The following PHAF1 variants were observed in gnomAD, a reference collection of about 807,000 sequenced individuals.
The protein encoded by PHAF1 is phagophore assembly factor 1, also known as phagosome assembly factor 1.
PHAF1 carries 23 observed loss-of-function variants against 63.1 expected under a neutral mutation model. That is an observed-to-expected ratio of 0.36 (90% CI 0.26 to 0.52). The LOEUF (loss-of-function observed/expected upper bound fraction) is 0.52, where lower values mean the gene tolerates loss of function less well. Among genes scored for constraint, PHAF1 ranks in the 20% least tolerant of loss-of-function variants. The pLI is 0.93. For missense variants in PHAF1, 427 were observed against 517.2 expected (o/e 0.83, Z 1.69); for synonymous variants, 167 against 185.0 (o/e 0.90, Z 0.79).
At chr16:67,135,318 T>C (rs1963567619) in intron 8 of PHAF1, 1 of 152,356 alleles carries the variant, frequency 6.6e-6, no homozygotes, top group African/African-American at 2.4e-5. Flanking sequence ...CGGCTAATTT[T>C]TGTATTTTTA....
chr16:67,145,482 G>GT, intron 13 of PHAF1, 63 bp downstream of exon 13: 2 of 1,612,674 alleles, frequency 1.2e-6, no homozygotes, highest in Non-Finnish European at 1.7e-6. Flanking sequence ...CCTGCAGGCA[G>GT]TATGGGGCTG....
chr16:67,126,063 A>G (rs1963176046), intron 3 of PHAF1, 21 bp downstream of exon 3: 3 of 1,556,782 alleles, frequency 1.9e-6, no homozygotes, highest in Non-Finnish European at 2.7e-6. Flanking sequence ...ATGACAACTA[A>G]TGTTTCATGT....
chr16:67,141,976 C>T (rs1297477695), intron 10 of PHAF1, among the ~76,000 whole-genome samples: 3 of 152,210 alleles, frequency 2.0e-5, no homozygotes, highest in Admixed American at 6.5e-5. Context: ...CGGTGGGTCC[C>T]GAGTTCTTGT....
At chr16:67,131,369 T>C (rs777950211) in intron 4 of PHAF1, 40 bp downstream of exon 4, 1 of 1,395,456 alleles carries the variant, frequency 7.2e-7, no homozygotes, top group Non-Finnish European at 1.0e-6. Flanking sequence ...ACACTTGGTA[T>C]AGACAGGCCA....
chr16:67,134,369 C>T lies in PHAF1; in HGVS notation c.563C>T (p.Pro188Leu). ...SLQDTKAPMM[P>L]LSCFLGNVYA... ...TCTGTCCCCAGGGCTCCCATGATGC[C>T]TCTGAGCTGTTTCCTGGGCAATGTC... The change falls in exon 8 of 16, where the codon CCT becomes CTT. Residue 188 changes from proline (P) to leucine (L), a missense_variant. By Grantham distance (98) the Pro-to-Leu change is moderately conservative (BLOSUM62 -3). Transcript: ENST00000219139. 1 of 1,613,914 alleles carries T rather than the reference C, an allele frequency of 6.2e-7. No homozygotes were observed. The highest frequency in any genetic ancestry group is 8.5e-7 in the Non-Finnish European group (1 of 1,179,786).
chr16:67,120,760 G>A (rs899289367), intron 2 of PHAF1, among the ~76,000 whole-genome samples: 4 of 151,978 alleles, frequency 2.6e-5, no homozygotes, highest in African/African-American at 9.7e-5. Context: ...TGTGTCACAA[G>A]CCTCAGGGAA....
At chr16:67,142,621 G>C (rs1381482856) in intron 10 of PHAF1, among the ~76,000 whole-genome samples, 2 of 152,260 alleles carry the variant, frequency 1.3e-5, no homozygotes, top group African/African-American at 2.4e-5. Context: ...CCCAGAGCAG[G>C]CACCGGGAGT....
chr16:67,132,414 G>A, intron 4 of PHAF1, 32 bp from the exon 5 acceptor site: 1 of 1,544,958 alleles, frequency 6.5e-7, no homozygotes, highest in South Asian at 1.2e-5. Context: ...ATCTTGTGAA[G>A]CCTAGTATTA....
chr16:67,139,096 A>G (rs1963708037), intron 8 of PHAF1, among the ~76,000 whole-genome samples: 2 of 151,676 alleles, frequency 1.3e-5, no homozygotes, highest in Admixed American at 1.3e-4. Flanking sequence ...TTTTTATATT[A>G]TATTTTGTAG....
intron 2 of PHAF1, among the ~76,000 whole-genome samples, chr16:67,123,735 C>T (rs1963076986): frequency 1.3e-5 from 2 of 152,224 alleles, no homozygotes; most frequent in South Asian, 4.1e-4. Context: ...CTGTCCTCTT[C>T]TTCTGCCTAC....
At position 67,145,439 on chromosome 16, in the gene PHAF1, C is replaced by T. The variant is rs753543068; in HGVS notation, c.1050+20C>T. On this transcript the variant is annotated intron_variant, in intron 13 of 15. Coordinates refer to ENST00000219139, the MANE Select transcript of PHAF1 (RefSeq NM_025187.5). ...AGCAAGGTGAGCACCTATCTTCCTA[C>T]CTGGCATAGCCTGAGAATGAGGTGG... The T allele has an allele frequency of 2.1e-5, 34 of 1,614,024 alleles. No homozygotes were observed. The highest frequency in any genetic ancestry group is 2.7e-5 in the Non-Finnish European group (32 of 1,179,988).
At chr16:67,113,453 T>G (rs1345057416) in intron 1 of PHAF1, among the ~76,000 whole-genome samples, 1 of 146,904 alleles carries the variant, frequency 6.8e-6, no homozygotes, top group African/African-American at 2.5e-5. Context: ...TTCTTTTTCT[T>G]TTTTTTTTTT....
At position 67,118,766 on chromosome 16, in the gene PHAF1, C is replaced by CTTT. The variant is rs910658530; in HGVS notation, c.65-1322_65-1320dup. ...ATTCTGGTGGATGAGTGATCTTAAA[C>CTTT]TTTTTTTTTTTTTTTTTTTTTTTTT... On this transcript the variant is annotated intron_variant, in intron 1 of 15. Coordinates refer to ENST00000219139, the MANE Select transcript of PHAF1 (RefSeq NM_025187.5). Among the ~76,000 whole-genome samples the CTTT allele has an allele frequency of 3.4e-3, 336 of 100,002 alleles. 25 individuals are homozygous for CTTT. Among genetic ancestry groups the CTTT allele is most frequent in the African/African-American group, 0.015 (309 of 20,628 alleles). The allele number at this position is 100,002 out of a possible 152,430, so 65.6% of individuals were successfully genotyped here. A position where few individuals can be genotyped will look rare whatever the true frequency, so the allele number is the denominator to read the frequency against.
In PHAF1 at chr16:67,140,496, AT is replaced by A; in HGVS notation, c.796-9del. ...GAGGGATGGATTTTAATTTATGGTTATTTTTTCCCTACAGATGAAAATTCAT... is the reference window on the plus strand; with the variant it reads ...GAGGGATGGATTTTAATTTATGGTTATTTTTCCCTACAGATGAAAATTCAT... On this transcript the variant is annotated splice_polypyrimidine_tract_variant and intron_variant, in intron 9 of 15. Transcript: ENST00000219139. 5 of 1,543,230 alleles carry A rather than the reference AT, an allele frequency of 3.2e-6. No homozygotes were observed. The highest frequency in any genetic ancestry group is 1.7e-4 in the Middle Eastern group (1 of 5,936).
intron 2 of PHAF1, among the ~76,000 whole-genome samples, chr16:67,122,976 G>A (rs181204991): frequency 9.2e-5 from 14 of 151,982 alleles, no homozygotes; most frequent in African/African-American, 2.7e-4. Context: ...TGATCCGCCC[G>A]TCTTGTCCTC....
chr16:67,139,760 T>G, intron 8 of PHAF1: 2 of 550,810 alleles, frequency 3.6e-6, no homozygotes, highest in South Asian at 2.5e-5. Context: ...TATCCAGAGC[T>G]TCATGTCACA....
intron 2 of PHAF1, among the ~76,000 whole-genome samples, chr16:67,125,396 T>A (rs1200875418): frequency 1.3e-5 from 2 of 151,974 alleles, no homozygotes; most frequent in African/African-American, 4.8e-5. Flanking sequence ...GATAAGAGGG[T>A]CATCTCATAA....
chr16:67,145,438 A>C lies in PHAF1; in HGVS notation c.1050+19A>C. Reference sequence around the variant, plus strand: ...CAGCAAGGTGAGCACCTATCTTCCTACCTGGCATAGCCTGAGAATGAGGTG... The same window carrying C: ...CAGCAAGGTGAGCACCTATCTTCCTCCCTGGCATAGCCTGAGAATGAGGTG... On this transcript the variant is annotated intron_variant, in intron 13 of 15. Coordinates refer to ENST00000219139, the MANE Select transcript of PHAF1 (RefSeq NM_025187.5). The C allele has an allele frequency of 6.2e-7, 1 of 1,614,016 alleles. No individual in the cohort carries two copies. The highest frequency in any genetic ancestry group is 8.5e-7 in the Non-Finnish European group (1 of 1,179,966).
intron 6 of PHAF1, among the ~76,000 whole-genome samples, chr16:67,133,528 C>T (rs1017070797): frequency 2.7e-5 from 4 of 150,674 alleles, no homozygotes; most frequent in East Asian, 1.9e-4. Context: ...AAAAACAGGC[C>T]GGGCGCAGTG....
Sources: allele counts gnomAD v4.1 joint callset (sites outside exome capture counted in the v4.1 genomes callset), GRCh38; gene constraint gnomAD v4.1.1; transcripts MANE v1.5; gene names NCBI Gene and HGNC (gene_info 2026-07-23, HGNC 2026-07-21).